The following CLIC5 variants were observed in gnomAD, a reference collection of about 807,000 sequenced individuals.
CLIC5 encodes the protein CLIC family member 5, also known as chloride intracellular channel protein 5.
CLIC5 carries 20 observed loss-of-function variants against 24.7 expected under a neutral mutation model. The ratio of observed to expected loss-of-function variants is 0.81; its 90% CI spans 0.57 to 1.18. CLIC5 has a LOEUF of 1.18. CLIC5 is among the 50% of genes most tolerant of loss of function. CLIC5 has a pLI of 0.00. For synonymous variants in CLIC5, 159 were observed against 135.6 expected (o/e 1.17, Z -1.20); for missense variants, 341 against 326.1 (o/e 1.05, Z -0.35).
chr6:46,027,396 G>A (rs1767364756), intron 1 of CLIC5, among the ~76,000 whole-genome samples: 2 of 152,198 alleles, frequency 1.3e-5, no homozygotes, highest in Non-Finnish European at 2.9e-5. Context: ...TTATGCTGGA[G>A]GAGCTGAAGT....
intron 1 of CLIC5, among the ~76,000 whole-genome samples, chr6:46,052,098 G>A (rs1768119403): frequency 6.7e-6 from 1 of 149,200 alleles, no homozygotes; most frequent in Non-Finnish European, 1.5e-5. Flanking sequence ...TATATTTCTT[G>A]GAACACAAAA....
chr6:46,078,454 T>C (rs1295353944), intron 1 of CLIC5, among the ~76,000 whole-genome samples: 1 of 152,128 alleles, frequency 6.6e-6, no homozygotes, highest in Non-Finnish European at 1.5e-5. Flanking sequence ...TGTTCTAACA[T>C]CACCTCCTCC....
At chr6:45,884,039 T>C (rs1762283449) in intron 6 of CLIC5, among the ~76,000 whole-genome samples, 1 of 152,230 alleles carries the variant, frequency 6.6e-6, no homozygotes, top group Admixed American at 6.5e-5. Context: ...GATTTAATTA[T>C]CTTCCATAAT....
At chr6:45,933,552 C>T (rs192991352) in intron 4 of CLIC5, among the ~76,000 whole-genome samples, 1,602 of 152,292 alleles carry the variant, frequency 0.011, 16 homozygotes, top group Non-Finnish European at 0.017. Context: ...GGCTTTCTTT[C>T]GGAAGTTAGA....
chr6:45,930,166 G>C (rs895647876), intron 4 of CLIC5, among the ~76,000 whole-genome samples: 3 of 152,160 alleles, frequency 2.0e-5, no homozygotes, highest in African/African-American at 7.2e-5. Flanking sequence ...CCCAGCAGCA[G>C]TGGCTTTCAT....
At chr6:45,953,751 C>G (rs1269772695) in intron 2 of CLIC5, among the ~76,000 whole-genome samples, 1 of 151,856 alleles carries the variant, frequency 6.6e-6, no homozygotes, top group Non-Finnish European at 1.5e-5. Context: ...AAGGATGGGT[C>G]AGAGAGAGAG....
chr6:45,988,515 T>G (rs901984820), intron 1 of CLIC5, among the ~76,000 whole-genome samples: 1 of 152,198 alleles, frequency 6.6e-6, no homozygotes, highest in Non-Finnish European at 1.5e-5. Context: ...CAAGTTGACA[T>G]GAATTAACCA....
intron 1 of CLIC5, among the ~76,000 whole-genome samples, chr6:45,990,629 G>A (rs1231767766): frequency 1.3e-5 from 2 of 152,188 alleles, no homozygotes; most frequent in African/African-American, 2.4e-5. Context: ...CATAGTAAGG[G>A]TGTTCATCCT....
chr6:45,905,897 A>G (rs1204060077), intron 5 of CLIC5, among the ~76,000 whole-genome samples: 1 of 152,216 alleles, frequency 6.6e-6, no homozygotes, highest in African/African-American at 2.4e-5. Context: ...ATATGATGAA[A>G]GGTAGGGGTC....
chr6:46,001,534 G>A (rs1238719668), intron 1 of CLIC5, among the ~76,000 whole-genome samples: 1 of 152,030 alleles, frequency 6.6e-6, no homozygotes, highest in East Asian at 1.9e-4. Context: ...CCTTCCAAAT[G>A]CCCAGTGGCT....
chr6:45,929,659 G>A (rs1305596874), intron 4 of CLIC5, among the ~76,000 whole-genome samples: 2 of 152,142 alleles, frequency 1.3e-5, no homozygotes, highest in South Asian at 2.1e-4. Context: ...TGTGGAGGTC[G>A]GCCTGACCAC....
chr6:46,096,243 C>T, the CLIC5 span, among the ~76,000 whole-genome samples: 1 of 152,228 alleles, frequency 6.6e-6, no homozygotes. Context: ...TCACCTCCCA[C>T]CAGCCCTCAC....
At chr6:46,105,930 C>T in the CLIC5 span, among the ~76,000 whole-genome samples, 1 of 152,174 alleles carries the variant, frequency 6.6e-6, no homozygotes, top group South Asian at 2.1e-4. Context: ...GCAGTTTGAA[C>T]ACTTGGAGTC....
chr6:45,941,000 G>A (rs1322414921), intron 4 of CLIC5, among the ~76,000 whole-genome samples: 4 of 152,246 alleles, frequency 2.6e-5, no homozygotes, highest in Non-Finnish European at 1.5e-5. Flanking sequence ...AGGGCCTGAT[G>A]TAGGATGGGC....
intron 1 of CLIC5, among the ~76,000 whole-genome samples, chr6:46,033,170 G>A (rs989012825): frequency 6.6e-6 from 1 of 151,368 alleles, no homozygotes; most frequent in Non-Finnish European, 1.5e-5. Flanking sequence ...TGTGTTTTTA[G>A]TACCGACAGG....
chr6:45,936,322 G>A (rs1438664662), intron 4 of CLIC5, among the ~76,000 whole-genome samples: 13 of 149,818 alleles, frequency 8.7e-5, no homozygotes, highest in African/African-American at 3.0e-4. Flanking sequence ...CTCCTGCCTC[G>A]GCCTCCTGAG....
chr6:46,084,336 T>C (rs1184337314), upstream of CLIC5, among the ~76,000 whole-genome samples: 1 of 152,214 alleles, frequency 6.6e-6, no homozygotes, highest in Non-Finnish European at 1.5e-5. Context: ...AGCTGGTTAT[T>C]TTGCTCGTTA....
intron 3 of CLIC5, among the ~76,000 whole-genome samples, chr6:45,948,556 A>G (rs1209672858): frequency 1.3e-5 from 2 of 152,166 alleles, no homozygotes; most frequent in Non-Finnish European, 2.9e-5. Flanking sequence ...TTATTTTTCT[A>G]GTTTTTTCAA....
At chr6:46,012,982 A>G (rs2022420) in intron 1 of CLIC5, among the ~76,000 whole-genome samples, 1 of 152,196 alleles carries the variant, frequency 6.6e-6, no homozygotes, top group Non-Finnish European at 1.5e-5. Flanking sequence ...TCTTCTTATC[A>G]TTATCATTAT....
Sources: allele counts gnomAD v4.1 joint callset (sites outside exome capture counted in the v4.1 genomes callset), GRCh38; gene constraint gnomAD v4.1.1; transcripts MANE v1.5; gene names NCBI Gene and HGNC (gene_info 2026-07-23, HGNC 2026-07-21).